Variants in PCDHGB7 observed in about 807,000 individuals in gnomAD.
The protein encoded by PCDHGB7 is protocadherin gamma-B7.
PCDHGB7 carries 37 observed loss-of-function variants against 61.4 expected under a neutral mutation model. That is an observed-to-expected ratio of 0.60 (90% confidence interval 0.46 to 0.79). The LOEUF (loss-of-function observed/expected upper bound fraction) is 0.79. Among genes scored for constraint, PCDHGB7 ranks in the 30% least tolerant of loss-of-function variants. The probability of loss-of-function intolerance (pLI) is 0.00; values close to 1 mark genes in which losing one functional copy is unlikely to be tolerated. For synonymous variants in PCDHGB7, 464 were observed against 503.5 expected (o/e 0.92, Z 1.05); for missense variants, 1,166 against 1,202.5 (o/e 0.97, Z 0.45).
Position 141,427,133 on chromosome 5 carries a change from A to AGAT in PCDHGB7, c.2415+6863_2415+6865dup, listed in dbSNP as rs370316028. 2.9e-4 allele frequency: 134 copies of AGAT among 457,190 alleles called. 1 individual carries two copies. The highest frequency in any genetic ancestry group is 2.4e-3 in the African/African-American group (123 of 50,216). The allele number at this position is 457,190 out of a possible 1,614,324, so 28.3% of individuals were successfully genotyped here. On this transcript the variant is annotated intron_variant, in intron 1 of 3. Transcript: ENST00000398594. ...TCACCTACTCTTTCAAATCCCTACG[A>AGAT]GATGATATTGGAAATATGTTTGTGC...
chr5:141,497,060 G>A (rs1244885752), intron 2 of PCDHGB7, among the ~76,000 whole-genome samples: 1 of 151,952 alleles, frequency 6.6e-6, no homozygotes, highest in African/African-American at 2.4e-5. Context: ...GTGGTGGCAG[G>A]CACCTGTAAT....
chr5:141,438,591 C>CATATATATATAT (rs946798767), intron 1 of PCDHGB7, among the ~76,000 whole-genome samples: 3 of 75,560 alleles, frequency 4.0e-5, no homozygotes, highest in Non-Finnish European at 5.4e-5. Flanking sequence ...TACATACATA[C>CATATATATATAT]ATATATATAT....
chr5:141,476,565 C>T lies in PCDHGB7; in HGVS notation c.2416-18242C>T. 6.2e-7 allele frequency: 1 copy of T among 1,614,184 alleles called. No individual in the cohort carries two copies. Among genetic ancestry groups the T allele is most frequent in the Non-Finnish European group, 8.5e-7 (1 of 1,180,034 alleles). On this transcript the variant is annotated intron_variant, in intron 1 of 3. Coordinates refer to ENST00000398594, the MANE Select transcript of PCDHGB7 (RefSeq NM_018927.4). This position sits in a 1 kb window ranked among gnomAD's most constrained non-coding sequence, Gnocchi z 7.6. ...TTGGAGATTAGCGAGGCCGTGGCTC[C>T]GGGGACGCGCTTTCCGCTCGAGAGC...
Position 141,477,704 on chromosome 5 carries a change from C to T in PCDHGB7, c.2416-17103C>T, listed in dbSNP as rs772195653. 30 of 1,613,968 alleles carry T rather than the reference C, an allele frequency of 1.9e-5. No homozygotes were observed. Among genetic ancestry groups the T allele is most frequent in the Admixed American group, 6.7e-5 (4 of 60,026 alleles). On this transcript the variant is annotated intron_variant, in intron 1 of 3. Transcript: ENST00000398594. This position sits in a 1 kb window ranked among gnomAD's most constrained non-coding sequence, Gnocchi z 4.9. Reference sequence around the variant, plus strand: ...CTTAGTGCCCCTAGACTATGAGGATCGGCGGGAATTTGAATTAACAGCTCA... The same window carrying T: ...CTTAGTGCCCCTAGACTATGAGGATTGGCGGGAATTTGAATTAACAGCTCA...
At chr5:141,440,763 T>A (rs2098198978) in intron 1 of PCDHGB7, 1 of 152,138 alleles carries the variant, frequency 6.6e-6, no homozygotes, top group Admixed American at 6.6e-5. Flanking sequence ...AGAGCTCCCA[T>A]CCCTTAGTGC....
chr5:141,428,177 G>A lies in PCDHGB7; in HGVS notation c.2415+7903G>A, dbSNP rs754811645. The A allele has an allele frequency of 1.4e-5, 21 of 1,510,058 alleles. 1 individual carries two copies. The South Asian group carries it at 1.7e-4, about 12-fold the overall frequency. The allele number at this position is 1,510,058 out of a possible 1,614,324, so 93.5% of individuals were successfully genotyped here. ...CCTGCTGGTTGCTGTGCGTGACGGA[G>A]GACAGCCGCCGCTCTCTGCGCCGCT... On this transcript the variant is annotated intron_variant, in intron 1 of 3. Coordinates refer to ENST00000398594, the MANE Select transcript of PCDHGB7 (RefSeq NM_018927.4).
Position 141,444,149 on chromosome 5 carries a change from T to C in PCDHGB7, c.2415+23875T>C, listed in dbSNP as rs180678850. On this transcript the variant is annotated intron_variant, in intron 1 of 3. Transcript: ENST00000398594. ...ACAGATATGTGTCACTTGTGTGTAC[T>C]GGATTTTTTTTTTTTTTTTTTTTTT... Among the ~76,000 whole-genome samples, 383 of 136,820 alleles carry C rather than the reference T, an allele frequency of 2.8e-3. 2 individuals carry two copies. Among genetic ancestry groups the C allele is most frequent in the Middle Eastern group, 0.012 (3 of 252 alleles). 89.8% of individuals were successfully genotyped at this position (136,820 alleles called of 152,430 possible). A position where few individuals can be genotyped will look rare whatever the true frequency, so the allele number is the denominator to read the frequency against.
rs141095222 is a variant in PCDHGB7, at chr5:141,496,668, C to T, written c.2474+1803C>T. Reference sequence around the variant, plus strand: ...CCCTTCCTTTGACCCCAGCTGTTGTCCTTCTCCCTGCTGGCCTTGCCAACC... The same window carrying T: ...CCCTTCCTTTGACCCCAGCTGTTGTTCTTCTCCCTGCTGGCCTTGCCAACC... On this transcript the variant is annotated intron_variant, in intron 2 of 3. Coordinates refer to ENST00000398594, the MANE Select transcript of PCDHGB7 (RefSeq NM_018927.4). Among the ~76,000 whole-genome samples the T allele has an allele frequency of 1.3e-3, 204 of 152,328 alleles. 1 individual carries two copies. The highest frequency in any genetic ancestry group is 5.6e-3 in the Admixed American group (85 of 15,298).
At chr5:141,449,000 T>G (rs1424736421) in intron 1 of PCDHGB7, among the ~76,000 whole-genome samples, 1 of 151,774 alleles carries the variant, frequency 6.6e-6, no homozygotes, top group African/African-American at 2.4e-5. Context: ...TAGAAAGCTG[T>G]TTTTTTTAAC....
Position 141,419,487 on chromosome 5 carries a change from G to T in PCDHGB7, c.1628G>T (p.Ser543Ile). Residue 543 changes from serine to isoleucine, a missense_variant, in exon 1 of 4, where the codon AGC (serine) becomes ATC (isoleucine). Transcript: ENST00000398594. ...QARDQGSPALSANVSLRVLVG... is the reference protein window; with the variant it reads ...QARDQGSPALIANVSLRVLVG... ...CGCGACCAGGGCTCGCCCGCGCTCA[G>T]CGCCAATGTGAGCCTGCGCGTGTTG... 6.2e-7 allele frequency: 1 copy of T among 1,612,378 alleles called. No homozygotes were observed.
chr5:141,459,105 T>C (rs904382532), intron 1 of PCDHGB7, among the ~76,000 whole-genome samples: 7 of 152,208 alleles, frequency 4.6e-5, no homozygotes, highest in Non-Finnish European at 7.4e-5. Flanking sequence ...GCAATGCATT[T>C]TGACAATTGT....
intron 1 of PCDHGB7, chr5:141,475,926 G>C: frequency 4.8e-6 from 3 of 619,440 alleles, no homozygotes; most frequent in East Asian, 2.9e-5. Context: ...GCTGGAGATC[G>C]GGCCCCTGCC....
rs775204388 is a variant in PCDHGB7, at chr5:141,490,235, G to T, written c.2416-4572G>T. On this transcript the variant is annotated intron_variant, in intron 1 of 3. Transcript: ENST00000398594. This position sits in a 1 kb window ranked among gnomAD's most constrained non-coding sequence, Gnocchi z 5.4. ...GACCAGGGACAGCCTGCCATGGAGG[G>T]CCACTGTGTGATTCAAGTGGATGTG... 1 of 1,614,228 alleles carries T rather than the reference G, an allele frequency of 6.2e-7. No homozygotes were observed. The highest frequency in any genetic ancestry group is 1.1e-5 in the South Asian group (1 of 91,084).
At chr5:141,480,948 G>C (rs1288557779) in intron 1 of PCDHGB7, among the ~76,000 whole-genome samples, 1 of 152,138 alleles carries the variant, frequency 6.6e-6, no homozygotes, top group Non-Finnish European at 1.5e-5. Context: ...TAGAGGCTGA[G>C]GCGGAAGCAT....
chr5:141,438,591 CATATATATATATATAT>C (rs946798767), intron 1 of PCDHGB7, among the ~76,000 whole-genome samples: 4 of 75,562 alleles, frequency 5.3e-5, no homozygotes, highest in East Asian at 3.5e-4. Context: ...TACATACATA[CATATATATATATATAT>C]ATATATATAT....
intron 3 of PCDHGB7, among the ~76,000 whole-genome samples, chr5:141,507,713 C>T (rs2099862763): frequency 6.6e-6 from 1 of 152,234 alleles, no homozygotes; most frequent in Non-Finnish European, 1.5e-5. Flanking sequence ...GGCCCCAAAC[C>T]CTCCAAGCAA....
chr5:141,429,638 A>G (rs2097231013), intron 1 of PCDHGB7, among the ~76,000 whole-genome samples: 1 of 152,238 alleles, frequency 6.6e-6, no homozygotes, highest in African/African-American at 2.4e-5. Flanking sequence ...ACAGCTACCT[A>G]TATATTTCTT....
In PCDHGB7 at chr5:141,512,267, G is replaced by C. The variant is rs2099884152; in HGVS notation, c.*1094G>C. On this transcript the variant is annotated 3_prime_UTR_variant, in exon 4 of 4. Coordinates refer to ENST00000398594, the MANE Select transcript of PCDHGB7 (RefSeq NM_018927.4). ...GCCTCTGTGGGTGCTGGGTACTCCA[G>C]AGGTGCCACTGGTGGAAGGGTCAGC... 2.6e-5 allele frequency: 4 copies of C among 152,744 alleles called. No homozygotes were observed. Among genetic ancestry groups the C allele is most frequent in the Admixed American group, 2.6e-4 (4 of 15,290 alleles). 9.5% of individuals were successfully genotyped at this position (152,744 alleles called of 1,614,324 possible). A position where few individuals can be genotyped will look rare whatever the true frequency, so the allele number is the denominator to read the frequency against.
At chr5:141,509,777 G>A (rs1244876699) in intron 3 of PCDHGB7, among the ~76,000 whole-genome samples, 1 of 152,100 alleles carries the variant, frequency 6.6e-6, no homozygotes, top group Non-Finnish European at 1.5e-5. Flanking sequence ...TCTAGTCCCC[G>A]AGATCATCAT....
Sources: allele counts gnomAD v4.1 joint callset (sites outside exome capture counted in the v4.1 genomes callset), GRCh38; gene constraint gnomAD v4.1.1; non-coding constraint Gnocchi (gnomAD v3.1); transcripts MANE v1.5; gene names NCBI Gene and HGNC (gene_info 2026-07-23, HGNC 2026-07-21).